Variants in KLHL8 observed in about 807,000 individuals in gnomAD.
KLHL8 encodes the protein kelch-like protein 8.
In KLHL8, 38 loss-of-function variants were observed where a neutral mutation model predicts 63.5. The ratio of observed to expected loss-of-function variants is 0.60; its 90% CI spans 0.46 to 0.78. KLHL8 has a LOEUF of 0.78. Ranked by LOEUF, KLHL8 falls within the 30% of genes least tolerant of loss-of-function variation. The pLI is 0.00. For missense variants in KLHL8, 566 were observed against 752.4 expected (o/e 0.75, Z 2.90); for synonymous variants, 224 against 254.3 (o/e 0.88, Z 1.13).
chr4:87,185,873 G>C, intron 2 of KLHL8, 74 bp from the exon 3 acceptor site: 2 of 1,275,648 alleles, frequency 1.6e-6, no homozygotes, highest in Non-Finnish European at 2.1e-6. Context: ...ACATGTGTTT[G>C]TAGCAGGGAC....
intron 8 of KLHL8, 82 bp from the exon 9 acceptor site, chr4:87,164,161 C>G (rs760985138): frequency 1.2e-4 from 153 of 1,246,446 alleles, no homozygotes; most frequent in Non-Finnish European, 1.1e-4. Flanking sequence ...CTTTTACAAC[C>G]CAATCTTTTA....
chr4:87,191,490 T>C (rs941473387), intron 2 of KLHL8, among the ~76,000 whole-genome samples: 2 of 152,128 alleles, frequency 1.3e-5, no homozygotes, highest in Admixed American at 1.3e-4. Flanking sequence ...TATAATCCTT[T>C]CCCCTTATAA....
chr4:87,226,471 A>G (rs1467861588), intron 1 of KLHL8, among the ~76,000 whole-genome samples: 2 of 149,044 alleles, frequency 1.3e-5, no homozygotes, highest in Non-Finnish European at 3.0e-5. Flanking sequence ...CTGAGGCAGA[A>G]GAGTTGCGTG....
chr4:87,238,563 G>A (rs7668285), intron 1 of KLHL8, among the ~76,000 whole-genome samples: 8,925 of 152,084 alleles, frequency 0.059, 387 homozygotes, highest in African/African-American at 0.11. Context: ...TGTAGTTATT[G>A]GTCACATGTG....
chr4:87,160,228 A>G lies in KLHL8; in HGVS notation c.*3291T>C, dbSNP rs886355053. On this transcript the variant is annotated 3_prime_UTR_variant, in exon 10 of 10. Coordinates refer to ENST00000273963, the MANE Select transcript of KLHL8 (RefSeq NM_020803.5). ...TATTACATTGATTTTCTGGAGTATTATAACACAAATTTATAAATGGTTTTA... is the reference window on the plus strand; with the variant it reads ...TATTACATTGATTTTCTGGAGTATTGTAACACAAATTTATAAATGGTTTTA... 1.3e-5 allele frequency: 2 copies of G among 152,206 alleles called. No individual in the cohort carries two copies. Among genetic ancestry groups the G allele is most frequent in the Admixed American group, 6.5e-5 (1 of 15,286 alleles). 9.4% of individuals were successfully genotyped at this position (152,206 alleles called of 1,614,324 possible). A position where few individuals can be genotyped will look rare whatever the true frequency, so the allele number is the denominator to read the frequency against.
chr4:87,183,175 A>T (rs1419737636), intron 4 of KLHL8, 28 bp downstream of exon 4: 4 of 1,540,830 alleles, frequency 2.6e-6, no homozygotes, highest in Non-Finnish European at 3.5e-6. Context: ...AGATCCTTCC[A>T]GGAGAATTGA....
intron 1 of KLHL8, among the ~76,000 whole-genome samples, chr4:87,234,817 T>C (rs1260805391): frequency 1.3e-5 from 2 of 152,170 alleles, no homozygotes; most frequent in Non-Finnish European, 2.9e-5. Context: ...CCCGGAAGAC[T>C]TTCCCAGTGG....
intron 3 of KLHL8, among the ~76,000 whole-genome samples, chr4:87,184,659 G>A (rs1478021352): frequency 6.6e-6 from 1 of 151,746 alleles, no homozygotes; most frequent in African/African-American, 2.4e-5. Flanking sequence ...GAAAGGAGAG[G>A]AAGACGACAA....
At chr4:87,194,603 G>T (rs957764350) in intron 2 of KLHL8, among the ~76,000 whole-genome samples, 1 of 152,188 alleles carries the variant, frequency 6.6e-6, no homozygotes. Context: ...AAGCCCAAGA[G>T]TTCACCAAAA....
chr4:87,207,948 C>T, intron 1 of KLHL8: 4 of 882,292 alleles, frequency 4.5e-6, no homozygotes, highest in South Asian at 4.0e-5. Context: ...ACTTCAACAG[C>T]AACACGCACT....
Position 87,226,845 on chromosome 4 carries a change from TATTA to T in KLHL8, n.58-5459_58-5456del, listed in dbSNP as rs1454918123. Among the ~76,000 whole-genome samples, 5 of 23,082 alleles carry T rather than the reference TATTA, an allele frequency of 2.2e-4. 1 individual carries two copies. Among genetic ancestry groups the T allele is most frequent in the South Asian group, 1.2e-3 (1 of 806 alleles). 15.1% of individuals were successfully genotyped at this position (23,082 alleles called of 152,430 possible). On this transcript the variant is annotated intron_variant and non_coding_transcript_variant, in intron 1 of 1. Coordinates refer to the KLHL8 transcript ENST00000506274. ...ATATATTATTTATAAATAATATATA[TATTA>T]TATATAAATAATATATATTATATAT...
rs150537806 is a variant in KLHL8 at position 87,193,568 on chromosome 4, G to T, written c.216+1756C>A. ...TGTTTCTTCTTTAGAAGTAGCAAGA[G>T]TACACTCTACAAAAACAATAAGAAG... On this transcript the variant is annotated intron_variant, in intron 2 of 9. Transcript: ENST00000273963. Among the ~76,000 whole-genome samples the T allele has an allele frequency of 1.3e-4, 20 of 152,160 alleles. No individual in the cohort carries two copies. In the East Asian group the frequency reaches 3.7e-3, roughly 28 times the overall value.
intron 1 of KLHL8, among the ~76,000 whole-genome samples, chr4:87,227,854 T>C (rs575132264): frequency 6.6e-6 from 1 of 152,310 alleles, no homozygotes; most frequent in African/African-American, 2.4e-5. Flanking sequence ...AACCCTGATT[T>C]AAGAGCATAC....
chr4:87,225,842 GTGT>G (rs954434432), intron 1 of KLHL8, among the ~76,000 whole-genome samples: 9 of 152,060 alleles, frequency 5.9e-5, no homozygotes, highest in South Asian at 2.1e-4. Context: ...TGAAATGCGG[GTGT>G]TGTTGTTTTT....
At chr4:87,193,732 G>A (rs1406036479) in intron 2 of KLHL8, among the ~76,000 whole-genome samples, 2 of 152,298 alleles carry the variant, frequency 1.3e-5, no homozygotes, top group Non-Finnish European at 2.9e-5. Context: ...CCACAAGCAT[G>A]TGAGTAAAGC....
intron 2 of KLHL8, among the ~76,000 whole-genome samples, chr4:87,187,670 T>C (rs1378916028): frequency 1.3e-5 from 2 of 152,116 alleles, no homozygotes; most frequent in Admixed American, 6.5e-5. Flanking sequence ...TAATATTCTA[T>C]ATTTACTTCA....
upstream of KLHL8, chr4:87,221,392 T>TAAAAAAAAAA (rs71660123): frequency 5.7e-5 from 5 of 87,056 alleles, no homozygotes; most frequent in Non-Finnish European, 8.4e-5. Flanking sequence ...AGACTCCGTC[T>TAAAAAAAAAA]AAAAAAAAAA....
At chr4:87,208,100 G>C in intron 1 of KLHL8, 1 of 519,920 alleles carries the variant, frequency 1.9e-6, no homozygotes, top group Non-Finnish European at 3.7e-6. Context: ...AAGACCACCA[G>C]ACCACCAGCC....
At chr4:87,176,698 A>C in intron 6 of KLHL8, 59 bp downstream of exon 6, 1 of 1,035,392 alleles carries the variant, frequency 9.7e-7, no homozygotes, top group Admixed American at 2.4e-5. Flanking sequence ...TAAGGCCTTT[A>C]AATTTTAAGA....
Sources: gnomAD v4.1 joint callset for allele counts (sites outside exome capture counted in the v4.1 genomes callset) on GRCh38, gnomAD v4.1.1 for gene constraint, MANE v1.5 for transcripts, NCBI Gene and HGNC (gene_info 2026-07-23, HGNC 2026-07-21) for gene names.